PTPRD: variants seen among roughly 807,000 people sequenced by gnomAD.
PTPRD encodes the protein protein tyrosine phosphatase receptor type D.
In PTPRD, 34 loss-of-function variants were observed where a neutral mutation model predicts 214.5. The ratio of observed to expected loss-of-function variants is 0.16; its 90% confidence interval spans 0.12 to 0.21. The LOEUF is 0.21. Ranked by LOEUF, PTPRD falls within the 10% of genes least tolerant of loss-of-function variation. The probability of loss-of-function intolerance (pLI) is 1.00; values close to 1 mark genes in which losing one functional copy is unlikely to be tolerated. For synonymous variants in PTPRD, 1,128 were observed against 845.7 expected, an observed-to-expected ratio of 1.33 and a Z score of -5.79; for missense variants, 2,545 against 2,398.7, an observed-to-expected ratio of 1.06 and a Z score of -1.27.
chr9:10,550,224 C>T (rs543422108), intron 2 of PTPRD, among the ~76,000 whole-genome samples: 1 of 152,298 alleles, frequency 6.6e-6, no homozygotes, highest in Non-Finnish European at 1.5e-5. Flanking sequence ...CACAAGTCCC[C>T]TTTGCTAAAC....
intron 12 of PTPRD, among the ~76,000 whole-genome samples, chr9:8,709,518 AAAAAAAAAAAAAAG>A (rs1368914022): frequency 6.7e-6 from 1 of 149,820 alleles, no homozygotes; most frequent in Admixed American, 6.7e-5. Context: ...CCATCTCAAA[AAAAAAAAAAAAAAG>A]AAAAAGAAAA....
At chr9:8,963,459 A>C (rs1437856549) in intron 11 of PTPRD, among the ~76,000 whole-genome samples, 1 of 152,188 alleles carries the variant, frequency 6.6e-6, no homozygotes, top group Admixed American at 6.5e-5. Context: ...AACATAAACA[A>C]AACATGTAGG....
At chr9:9,934,213 A>G (rs949071346) in intron 5 of PTPRD, among the ~76,000 whole-genome samples, 1 of 148,326 alleles carries the variant, frequency 6.7e-6, no homozygotes, top group Admixed American at 6.6e-5. Flanking sequence ...GCAGAAGGCA[A>G]GAAATAAGTA....
chr9:8,435,066 T>G (rs1359036244), intron 35 of PTPRD, among the ~76,000 whole-genome samples: 1 of 152,186 alleles, frequency 6.6e-6, no homozygotes, highest in Non-Finnish European at 1.5e-5. Context: ...AACAAAATCT[T>G]TGCATCCTAT....
intron 10 of PTPRD, among the ~76,000 whole-genome samples, chr9:9,172,428 A>G (rs1257576976): frequency 6.6e-6 from 1 of 152,128 alleles, no homozygotes; most frequent in Non-Finnish European, 1.5e-5. Flanking sequence ...CTTTACCTGA[A>G]TAAATCTGAT....
At chr9:9,760,724 G>A (rs1294421551) in intron 6 of PTPRD, among the ~76,000 whole-genome samples, 3 of 151,080 alleles carry the variant, frequency 2.0e-5, no homozygotes, top group Non-Finnish European at 4.4e-5. Flanking sequence ...AATCTGATGA[G>A]GAAATAGGCA....
intron 11 of PTPRD, among the ~76,000 whole-genome samples, chr9:9,001,291 C>G (rs374245470): frequency 1.3e-5 from 2 of 151,950 alleles, no homozygotes; most frequent in African/African-American, 4.8e-5. Context: ...TTAGCAGGAG[C>G]CTTTGAGCTA....
At chr9:10,481,907 TG>T (rs2099100254) in intron 2 of PTPRD, among the ~76,000 whole-genome samples, 1 of 152,070 alleles carries the variant, frequency 6.6e-6, no homozygotes, top group African/African-American at 2.4e-5. Flanking sequence ...GAAAATTAAG[TG>T]TAAAATATAA....
At chr9:9,418,236 T>C (rs2077558518) in intron 8 of PTPRD, among the ~76,000 whole-genome samples, 1 of 152,056 alleles carries the variant, frequency 6.6e-6, no homozygotes. Flanking sequence ...TATTTCTGAA[T>C]GGATCCATTC....
rs772631459 is a variant in PTPRD, at chr9:8,504,384, C to G, written c.1699G>C (p.Gly567Arg). 2 of 1,613,968 alleles carry G rather than the reference C, an allele frequency of 1.2e-6. No individual in the cohort carries two copies. Among genetic ancestry groups the G allele is most frequent in the African/African-American group, 1.3e-5 (1 of 74,906 alleles). ...AGTCCTTGCAGCCTATATGATGTCC[C>G]TGGCTCAATGGTAATTCGTTGCTGG... ...GEEQRITIEP[G>R]TSYRLQGLKP... The change falls in exon 23 of 46, where the codon GGG (glycine) becomes CGG (arginine). Residue 567 changes from glycine (G) to arginine (R), a missense_variant. Transcript: ENST00000381196.
intron 12 of PTPRD, among the ~76,000 whole-genome samples, chr9:8,721,396 C>T (rs1402644453): frequency 4.1e-5 from 6 of 147,576 alleles, no homozygotes; most frequent in Non-Finnish European, 8.9e-5. Flanking sequence ...CACCACTGCA[C>T]TCCAGTCTGG....
chr9:10,071,327 G>C (rs1307112100), intron 3 of PTPRD, among the ~76,000 whole-genome samples: 1 of 152,026 alleles, frequency 6.6e-6, no homozygotes, highest in African/African-American at 2.4e-5. Flanking sequence ...AACAATAGTG[G>C]ACATGAGGAA....
chr9:9,101,426 G>A (rs1015084735), intron 10 of PTPRD, among the ~76,000 whole-genome samples: 2 of 152,092 alleles, frequency 1.3e-5, no homozygotes, highest in Non-Finnish European at 2.9e-5. Flanking sequence ...GATACGATTA[G>A]CATCCTCACC....
chr9:9,917,098 A>C (rs749046694), intron 5 of PTPRD, among the ~76,000 whole-genome samples: 1 of 130,998 alleles, frequency 7.6e-6, no homozygotes, highest in South Asian at 2.6e-4. Context: ...AAATGTCTAC[A>C]TCAAAAAAAA....
At chr9:10,381,892 T>C (rs1263563828) in intron 2 of PTPRD, among the ~76,000 whole-genome samples, 1 of 151,950 alleles carries the variant, frequency 6.6e-6, no homozygotes, top group East Asian at 1.9e-4. Context: ...ATGTAAAAAG[T>C]GATAATAGTA....
chr9:9,777,904 C>T (rs1029320086), intron 5 of PTPRD, among the ~76,000 whole-genome samples: 1 of 152,070 alleles, frequency 6.6e-6, no homozygotes, highest in Non-Finnish European at 1.5e-5. Flanking sequence ...TGGGTTTATA[C>T]ATGAGTCATT....
At chr9:9,960,875 C>A (rs957806041) in intron 4 of PTPRD, among the ~76,000 whole-genome samples, 1 of 152,024 alleles carries the variant, frequency 6.6e-6, no homozygotes. Flanking sequence ...GAACAGGCAA[C>A]CTACAGAATG....
intron 8 of PTPRD, among the ~76,000 whole-genome samples, chr9:9,567,803 G>A (rs996743539): frequency 1.3e-5 from 2 of 151,910 alleles, no homozygotes; most frequent in African/African-American, 4.8e-5. Flanking sequence ...ACTGGTCTAA[G>A]CCAATAGTAA....
chr9:8,965,484 A>G (rs1192409122), intron 11 of PTPRD, among the ~76,000 whole-genome samples: 6 of 152,022 alleles, frequency 3.9e-5, no homozygotes, highest in Non-Finnish European at 8.8e-5. Context: ...TTGTACTTCT[A>G]GAAATACTTA....
Sources: gnomAD v4.1 joint callset for allele counts (sites outside exome capture counted in the v4.1 genomes callset) on GRCh38, gnomAD v4.1.1 for gene constraint, MANE v1.5 for transcripts, NCBI Gene and HGNC (gene_info 2026-07-23, HGNC 2026-07-21) for gene names.